The following EPHA5 variants were observed in gnomAD, a reference collection of about 807,000 sequenced individuals.
EPHA5 encodes the protein EPH receptor A5, also known as ephrin type-A receptor 5.
EPHA5 carries 60 observed loss-of-function variants against 105.0 expected under a neutral mutation model. The observed-to-expected ratio is 0.57, with a 90% CI of 0.46 to 0.71. EPHA5 has a LOEUF of 0.71. Among genes scored for constraint, EPHA5 ranks in the 30% least tolerant of loss-of-function variants. The pLI is 0.00. For missense variants in EPHA5, 1,218 were observed against 1,274.7 expected (o/e 0.96, Z 0.68); for synonymous variants, 513 against 449.1 (o/e 1.14, Z -1.80).
At chr4:65,330,449 C>G (rs1003295585) in intron 16 of EPHA5, 1 of 206,984 alleles carries the variant, frequency 4.8e-6, no homozygotes, top group Non-Finnish European at 8.5e-6. Flanking sequence ...GTAGCTAATG[C>G]AAAAACTATA....
intron 1 of EPHA5, among the ~76,000 whole-genome samples, chr4:65,665,123 A>G (rs1446407970): frequency 2.0e-5 from 3 of 151,946 alleles, no homozygotes; most frequent in African/African-American, 4.8e-5. Context: ...TTTCTTTTGA[A>G]AAAAGAACAT....
rs1018959463 is a variant in EPHA5, at chr4:65,492,590, A to G, written c.1067-1878T>C. Among the ~76,000 whole-genome samples the G allele has an allele frequency of 1.3e-4, 20 of 151,084 alleles. 1 individual carries two copies. Among genetic ancestry groups the G allele is most frequent in the Admixed American group, 2.6e-4 (4 of 15,164 alleles). On this transcript the variant is annotated intron_variant, in intron 4 of 16. Coordinates refer to ENST00000613740, the MANE Select transcript of EPHA5 (RefSeq NM_001281766.3). ...CCCACCTTGACCATGTTTGAATCCT[A>G]TGAATTTTGTCATACCGGCCATCTC...
At chr4:65,574,743 C>CATAT (rs375040204) in intron 3 of EPHA5, among the ~76,000 whole-genome samples, 170 of 80,178 alleles carry the variant, frequency 2.1e-3, no homozygotes, top group African/African-American at 7.6e-3. Context: ...TATATATATA[C>CATAT]ATATATATAT....
intron 3 of EPHA5, among the ~76,000 whole-genome samples, chr4:65,531,546 T>C (rs1735799742): frequency 6.9e-6 from 1 of 145,966 alleles, no homozygotes; most frequent in Admixed American, 7.1e-5. Flanking sequence ...GATCCAGGAA[T>C]CTGATCATAA....
At chr4:65,355,884 A>C (rs1461232100) in intron 11 of EPHA5, among the ~76,000 whole-genome samples, 1 of 151,580 alleles carries the variant, frequency 6.6e-6, no homozygotes, top group Non-Finnish European at 1.5e-5. Flanking sequence ...ATCTAACTAA[A>C]AGGAGGACTA....
chr4:65,383,247 A>ACG (rs397976443), intron 8 of EPHA5, among the ~76,000 whole-genome samples: 1 of 150,642 alleles, frequency 6.6e-6, no homozygotes, highest in South Asian at 2.1e-4. Flanking sequence ...ACACACACAC[A>ACG]TATACATTAA....
chr4:65,429,270 G>A (rs922390872), intron 5 of EPHA5, among the ~76,000 whole-genome samples: 5 of 151,948 alleles, frequency 3.3e-5, no homozygotes, highest in Non-Finnish European at 5.9e-5. Flanking sequence ...AGAGAATATA[G>A]TCCCATATGC....
intron 7 of EPHA5, among the ~76,000 whole-genome samples, chr4:65,412,749 G>C (rs2149013734): frequency 6.6e-6 from 1 of 152,180 alleles, no homozygotes; most frequent in South Asian, 2.1e-4. Flanking sequence ...TTAAGTATTA[G>C]TCCTCTAAGT....
chr4:65,424,291 A>G (rs1375685456), intron 5 of EPHA5, among the ~76,000 whole-genome samples: 1 of 152,090 alleles, frequency 6.6e-6, no homozygotes, highest in Non-Finnish European at 1.5e-5. Context: ...CTTTTCAGAT[A>G]TAGAAACCTA....
At chr4:65,517,756 C>T (rs920642791) in intron 3 of EPHA5, among the ~76,000 whole-genome samples, 25 of 151,818 alleles carry the variant, frequency 1.6e-4, no homozygotes, top group Non-Finnish European at 1.5e-5. Context: ...CTATACCTCA[C>T]ATTTATTCAA....
At chr4:65,331,244 A>G (rs1720585957) in intron 16 of EPHA5, 1 of 1,029,806 alleles carries the variant, frequency 9.7e-7, no homozygotes, top group African/African-American at 1.7e-5. Flanking sequence ...GTTAATTTTC[A>G]CAAATAACAA....
chr4:65,560,080 A>G (rs1370589327), intron 3 of EPHA5, among the ~76,000 whole-genome samples: 1 of 152,132 alleles, frequency 6.6e-6, no homozygotes, highest in African/African-American at 2.4e-5. Flanking sequence ...TGACTGTGAC[A>G]TGTTGGGCTG....
At chr4:65,636,504 C>G (rs1426199290) in intron 2 of EPHA5, among the ~76,000 whole-genome samples, 3 of 151,756 alleles carry the variant, frequency 2.0e-5, no homozygotes, top group African/African-American at 7.3e-5. Context: ...AAGTCACTTA[C>G]CCATACTGAA....
chr4:65,358,754 T>A (rs1577909357), intron 11 of EPHA5, among the ~76,000 whole-genome samples: 1 of 151,658 alleles, frequency 6.6e-6, no homozygotes, highest in Non-Finnish European at 1.5e-5. Context: ...TAATTTCAGA[T>A]TGGGCAAATA....
rs367650787 is a variant in EPHA5, at chr4:65,380,778, G to C, written c.1794-13354C>G. On this transcript the variant is annotated intron_variant, in intron 8 of 16. Coordinates refer to ENST00000613740, the MANE Select transcript of EPHA5 (RefSeq NM_001281766.3). ...GGCTAGAGAAAACAGAATGGAGCTA[G>C]TGTTCTTATGTGTGGCAAGTGACAC... Among the ~76,000 whole-genome samples, 68 of 151,942 alleles carry C rather than the reference G, an allele frequency of 4.5e-4. No homozygotes were observed. In the South Asian group the frequency reaches 0.014, roughly 31 times the overall value.
intron 2 of EPHA5, among the ~76,000 whole-genome samples, chr4:65,605,664 T>G (rs1203306306): frequency 2.0e-5 from 3 of 152,024 alleles, no homozygotes; most frequent in Non-Finnish European, 4.4e-5. Flanking sequence ...ATATCGAGAG[T>G]GATCTATTGA....
At chr4:65,434,373 TTG>T (rs1725279252) in intron 5 of EPHA5, among the ~76,000 whole-genome samples, 1 of 152,152 alleles carries the variant, frequency 6.6e-6, no homozygotes, top group Non-Finnish European at 1.5e-5. Context: ...TTCGCCATGT[TTG>T]TGTCTAATCT....
chr4:65,573,948 G>A lies in EPHA5; in HGVS notation c.910+27693C>T. On this transcript the variant is annotated intron_variant, in intron 3 of 16. Coordinates refer to ENST00000613740, the MANE Select transcript of EPHA5 (RefSeq NM_001281766.3). ...TGGACGCCACAGGGGCAAGAGGGTG[G>A]TTTTCCTGAAGCAGCTGGCTAGTGG... 1.9e-6 allele frequency: 3 copies of A among 1,593,674 alleles called. No homozygotes were observed. The Admixed American group carries it at 5.0e-5, about 27-fold the overall frequency.
intron 3 of EPHA5, among the ~76,000 whole-genome samples, chr4:65,502,406 C>CAA (rs57533715): frequency 0.16 from 23,014 of 140,940 alleles, 1,970 homozygotes; most frequent in Non-Finnish European, 0.2. Context: ...ATTAAACAAG[C>CAA]AAAAAAAAAA....
Sources: allele counts gnomAD v4.1 joint callset (sites outside exome capture counted in the v4.1 genomes callset), GRCh38; gene constraint gnomAD v4.1.1; transcripts MANE v1.5; gene names NCBI Gene and HGNC (gene_info 2026-07-23, HGNC 2026-07-21).